The following DDX52 variants were observed in gnomAD, a reference collection of about 807,000 sequenced individuals.
DDX52 encodes probable ATP-dependent RNA helicase DDX52.
In DDX52, 59 loss-of-function variants were observed where a neutral mutation model predicts 76.1. That is an observed-to-expected ratio of 0.78 (90% confidence interval 0.63 to 0.96). The LOEUF (loss-of-function observed/expected upper bound fraction) is 0.96. DDX52 is among the 40% of genes least tolerant of loss of function. DDX52 has a pLI of 0.00. For synonymous variants in DDX52, 231 were observed against 244.1 expected, an observed-to-expected ratio of 0.95 and a Z score of 0.50; for missense variants, 707 against 703.9, an observed-to-expected ratio of 1.00 and a Z score of -0.05.
Position 37,620,471 on chromosome 17 carries a change from C to G in DDX52, c.1577+402G>C, listed in dbSNP as rs1002999847. ...AGCACAACCAAAATATTTACCAAAA[C>G]TGATAAACAGATCTAAGTACAAACC... is the stretch of plus-strand genomic sequence containing the variant. On this transcript the variant is annotated intron_variant, in intron 12 of 14. Coordinates refer to ENST00000617633, the MANE Select transcript of DDX52 (RefSeq NM_007010.5). The G allele has an allele frequency of 1.1e-3, 193 of 173,264 alleles. 4 individuals are homozygous for G. The highest frequency in any genetic ancestry group is 4.3e-3 in the African/African-American group (181 of 41,820). 10.7% of individuals were successfully genotyped at this position (173,264 alleles called of 1,614,324 possible).
chr17:37,643,363 G>C lies in DDX52; in HGVS notation c.58C>G (p.Arg20Gly). 4 of 1,614,012 alleles carry C rather than the reference G, an allele frequency of 2.5e-6. No individual in the cohort carries two copies. The highest frequency in any genetic ancestry group is 1.7e-5 in the Admixed American group (1 of 60,008). Residue 20 changes from arginine to glycine, a missense_variant, in exon 1 of 15, where the codon CGC becomes GGC. By Grantham distance (125) the Arg-to-Gly change is moderately radical (BLOSUM62 -2). Coordinates refer to ENST00000617633, the MANE Select transcript of DDX52 (RefSeq NM_007010.5). ...AATCGAGCTGCGTCTGCCGAGAAGC[G>C]TCTCGTGTCGAATTTGGCCCCCGCG... ...LGAGAKFDTR[R>G]FSADAARFQI... is the part of the protein sequence containing the mutation.
At chr17:37,617,162 C>T (rs1427935217) in intron 14 of DDX52, among the ~76,000 whole-genome samples, 1 of 152,216 alleles carries the variant, frequency 6.6e-6, no homozygotes, top group Non-Finnish European at 1.5e-5. Context: ...CACCAAGTAC[C>T]TTGCAGAACA....
intron 4 of DDX52, 69 bp from the exon 5 acceptor site, chr17:37,630,242 C>A: frequency 7.1e-7 from 1 of 1,405,698 alleles, no homozygotes; most frequent in Non-Finnish European, 9.5e-7. Flanking sequence ...GGTCAAATAA[C>A]GCTACCAGCC....
chr17:37,630,294 T>C (rs1039040932), intron 4 of DDX52, 121 bp from the exon 5 acceptor site: 3 of 1,098,516 alleles, frequency 2.7e-6, no homozygotes, highest in African/African-American at 3.2e-5. Flanking sequence ...GAATCTAATC[T>C]TTCAAGTCAT....
rs150045699 is a variant in DDX52, at chr17:37,642,583, A to G, written c.88-275T>C. ...TAAATTGCTTCACATTTACAACTCT[A>G]TAAGGTAAATAGCAGTATTACGAAT... On this transcript the variant is annotated intron_variant, in intron 1 of 14. Transcript: ENST00000617633. 5.0e-3 allele frequency: 2,071 copies of G among 411,644 alleles called. 33 individuals are homozygous for G. Among genetic ancestry groups the G allele is most frequent in the African/African-American group, 0.04 (1,907 of 48,218 alleles). 25.5% of individuals were successfully genotyped at this position (411,644 alleles called of 1,614,324 possible).
rs375987466 is a variant in DDX52 at position 37,630,142 on chromosome 17, C to A, written c.635G>T (p.Gly212Val). The change falls in exon 5 of 15, where the codon GGA becomes GTA. Residue 212 changes from glycine (G) to valine (V), a missense_variant. Coordinates refer to ENST00000617633, the MANE Select transcript of DDX52 (RefSeq NM_007010.5). ...GCTAAAAGCTAATGTTTTTCCAGAT[C>A]CAGTTGGAGCAGAAGCCAGAAGTTC... ...GRELLASAPTGSGKTLAFSIP... is the reference protein window; with the variant it reads ...GRELLASAPTVSGKTLAFSIP... 1.2e-5 allele frequency: 19 copies of A among 1,613,056 alleles called. No individual in the cohort carries two copies. The highest frequency in any genetic ancestry group is 1.4e-5 in the Non-Finnish European group (17 of 1,179,756).
intron 9 of DDX52, chr17:37,624,135 C>G (rs537802208): frequency 6.6e-5 from 23 of 348,998 alleles, no homozygotes; most frequent in Admixed American, 1.4e-4. Flanking sequence ...TGGGACAACA[C>G]GCTTCTTAAC....
chr17:37,636,971 T>A (rs1489067200), intron 2 of DDX52, among the ~76,000 whole-genome samples: 2 of 152,122 alleles, frequency 1.3e-5, no homozygotes, highest in Non-Finnish European at 2.9e-5. Flanking sequence ...ACACCACATA[T>A]ATATTTTTTT....
intron 2 of DDX52, among the ~76,000 whole-genome samples, chr17:37,638,175 T>C (rs2031018356): frequency 6.6e-6 from 1 of 152,192 alleles, no homozygotes; most frequent in Admixed American, 6.5e-5. Context: ...AACAGGTTTT[T>C]TGGATGCTCA....
intron 1 of DDX52, 151 bp downstream of exon 1, chr17:37,643,183 A>C: frequency 2.8e-6 from 2 of 703,304 alleles, no homozygotes; most frequent in East Asian, 5.7e-5. Context: ...CCGTGCAGGC[A>C]AGCCGAACAC....
chr17:37,620,783 GC>G (rs2030042344), intron 12 of DDX52, 89 bp downstream of exon 12: 2 of 1,269,346 alleles, frequency 1.6e-6, no homozygotes, highest in South Asian at 1.6e-5. Context: ...TTGGGACATA[GC>G]CATTTTGTAA....
intron 3 of DDX52, 23 bp downstream of exon 3, chr17:37,633,265 T>C: frequency 1.3e-6 from 2 of 1,591,190 alleles, no homozygotes; most frequent in Non-Finnish European, 1.7e-6. Flanking sequence ...TATATACTTT[T>C]GGCCCCAAAA....
intron 9 of DDX52, among the ~76,000 whole-genome samples, chr17:37,623,436 CA>C (rs571269262): frequency 4.9e-4 from 75 of 152,180 alleles, no homozygotes; most frequent in Middle Eastern, 3.4e-3. Context: ...AAAACAAAAA[CA>C]AAATTATGTA....
At chr17:37,643,070 T>G (rs376458206) in intron 1 of DDX52, 1 of 364,948 alleles carries the variant, frequency 2.7e-6, no homozygotes, top group South Asian at 1.1e-4. Context: ...GGATTCCAAC[T>G]TTGCTTTGAA....
At chr17:37,626,227 C>CA in intron 7 of DDX52, 129 bp from the exon 8 acceptor site, 1 of 884,580 alleles carries the variant, frequency 1.1e-6, no homozygotes, top group Non-Finnish European at 1.6e-6. Flanking sequence ...CTTTATCATA[C>CA]CAAAAAAAAA....
rs1464038556 is a variant in DDX52 at position 37,628,679 on chromosome 17, A to C, written c.748-7T>G. 1 of 1,570,400 alleles carries C rather than the reference A, an allele frequency of 6.4e-7. No individual in the cohort carries two copies. The highest frequency in any genetic ancestry group is 1.4e-5 in the African/African-American group (1 of 72,918). On this transcript the variant is annotated splice_polypyrimidine_tract_variant and splice_region_variant and intron_variant, in intron 5 of 14. Transcript: ENST00000617633. ...TTATTAACTCTCTGTGAATCTAAAAAAAAAAAGATTAAAAACATTAGCTGC... is the reference window on the plus strand; with the variant it reads ...TTATTAACTCTCTGTGAATCTAAAACAAAAAAGATTAAAAACATTAGCTGC...
chr17:37,636,474 T>C (rs536267115), intron 2 of DDX52, among the ~76,000 whole-genome samples: 1 of 152,326 alleles, frequency 6.6e-6, no homozygotes, highest in South Asian at 2.1e-4. Flanking sequence ...ATCCGTATTA[T>C]GAAGAAACTA....
rs34469094 is a variant in DDX52 at position 37,610,127 on chromosome 17, ATTTT to A, written c.*4165_*4168del. The A allele has an allele frequency of 2.8e-5, 4 of 144,072 alleles. No individual in the cohort carries two copies. Among genetic ancestry groups the A allele is most frequent in the Non-Finnish European group, 6.1e-5 (4 of 65,888 alleles). 8.9% of individuals were successfully genotyped at this position (144,072 alleles called of 1,614,324 possible). On this transcript the variant is annotated 3_prime_UTR_variant, in exon 15 of 15. Transcript: ENST00000617633. ...AGCTATTTCGGCATATTTTTTACTG[ATTTT>A]TTTTTTTTTTGAGACAGGGTCTTGC...
At chr17:37,618,471 C>G in intron 13 of DDX52, 87 bp from the exon 14 acceptor site, 1 of 1,114,172 alleles carries the variant, frequency 9.0e-7, no homozygotes, top group South Asian at 1.6e-5. Flanking sequence ...GATCCTTGAT[C>G]ACAAAATTCA....
Sources: gnomAD v4.1 joint callset for allele counts (sites outside exome capture counted in the v4.1 genomes callset) on GRCh38, gnomAD v4.1.1 for gene constraint, MANE v1.5 for transcripts, NCBI Gene and HGNC (gene_info 2026-07-23, HGNC 2026-07-21) for gene names.